Variants in ZNF112 observed in about 807,000 individuals in gnomAD.
ZNF112 encodes the protein zinc finger protein 112 (Y14).
In ZNF112, 37 loss-of-function variants were observed where a neutral mutation model predicts 77.7. The ratio of observed to expected loss-of-function variants is 0.48; its 90% CI spans 0.37 to 0.63. The LOEUF (loss-of-function observed/expected upper bound fraction) is 0.63. Ranked by LOEUF, ZNF112 falls within the 20% of genes least tolerant of loss-of-function variation. The pLI is 0.00. For synonymous variants in ZNF112, 333 were observed against 363.6 expected (o/e 0.92, Z 0.96); for missense variants, 950 against 1,077.4 (o/e 0.88, Z 1.66).
At chr19:44,335,020 G>A (rs1269371144) in intron 3 of ZNF112, among the ~76,000 whole-genome samples, 2 of 152,228 alleles carry the variant, frequency 1.3e-5, no homozygotes, top group Admixed American at 1.3e-4. Context: ...CCACGTGCCT[G>A]GAAAAGATGC....
chr19:44,347,036 A>G (rs1970603215), intron 1 of ZNF112, among the ~76,000 whole-genome samples: 1 of 152,164 alleles, frequency 6.6e-6, no homozygotes. Flanking sequence ...TGAGATTTCT[A>G]CATAGAACTG....
intron 1 of ZNF112, chr19:44,343,286 T>C: frequency 6.2e-7 from 1 of 1,613,104 alleles, no homozygotes. Flanking sequence ...TTTCTTTTTC[T>C]AGAGAAAGGC....
upstream of ZNF112, among the ~76,000 whole-genome samples, chr19:44,358,187 A>G (rs1850558833): frequency 6.6e-6 from 1 of 151,458 alleles, no homozygotes; most frequent in Admixed American, 6.6e-5. Context: ...AAGAGATGAG[A>G]CTATTTGATT....
rs141776306 is a variant in ZNF112 at position 44,329,323 on chromosome 19, C to A, written c.834G>T (p.Lys278Asn). 3 of 1,613,652 alleles carry A rather than the reference C, an allele frequency of 1.9e-6. No individual in the cohort carries two copies. Among genetic ancestry groups the A allele is most frequent in the African/African-American group, 2.7e-5 (2 of 74,922 alleles). ...TTCCACATGAACTGTATGTATAGGG[C>A]TTCCCTTCCAAGTGGAACTGCTGAT... Reference protein sequence around the residue: ...EVHQQFHLEGKPYTYSSCGKG... With the variant: ...EVHQQFHLEGNPYTYSSCGKG... The change falls in exon 4 of 4, where the codon AAG (lysine) becomes AAT (asparagine). Residue 278 changes from lysine to asparagine, a missense_variant. Physicochemically the swap from Lys to Asn is moderately conservative, Grantham distance 94. Around this residue, in one of 3 missense-constraint regions of ZNF112, gnomAD observed 560 missense variants for 557.3 expected, o/e 1.00. Coordinates refer to ENST00000354340, the MANE Select transcript of ZNF112 (RefSeq NM_013380.4).
chr19:44,337,972 C>A (rs1970417747), intron 2 of ZNF112, among the ~76,000 whole-genome samples: 1 of 88,338 alleles, frequency 1.1e-5, no homozygotes, highest in Non-Finnish European at 2.6e-5. Context: ...TACCATTCCC[C>A]AGTTAAAAAA....
intron 1 of ZNF112, among the ~76,000 whole-genome samples, chr19:44,352,635 A>G (rs1970713625): frequency 6.6e-6 from 1 of 152,162 alleles, no homozygotes; most frequent in African/African-American, 2.4e-5. Flanking sequence ...ATTTCTAGTG[A>G]GTATAGCAAA....
chr19:44,329,434 A>G lies in ZNF112; in HGVS notation c.723T>C (p.Asn241=). Residue 241 remains asparagine (N), a synonymous_variant, in exon 4 of 4, where the codon AAT becomes AAC. Coordinates refer to ENST00000354340, the MANE Select transcript of ZNF112 (RefSeq NM_013380.4). ...TCTCCTCTGTTTGAATTGACTCCTG[A>G]TTAAGTAATGATACCTTCATGATAT... ...GEDIMKVSLL[N]QESIQTEEKP... The G allele has an allele frequency of 6.2e-7, 1 of 1,614,062 alleles. No homozygotes were observed. Among genetic ancestry groups the G allele is most frequent in the Non-Finnish European group, 8.5e-7 (1 of 1,179,986 alleles).
At chr19:44,332,108 C>T (rs1161482273) in intron 3 of ZNF112, among the ~76,000 whole-genome samples, 1 of 152,128 alleles carries the variant, frequency 6.6e-6, no homozygotes, top group African/African-American at 2.4e-5. Flanking sequence ...GCCCAGGCAT[C>T]TGAGGATGCA....
intron 1 of ZNF112, among the ~76,000 whole-genome samples, chr19:44,350,238 G>A (rs1263580428): frequency 1.3e-5 from 2 of 152,036 alleles, no homozygotes; most frequent in African/African-American, 4.8e-5. Context: ...AATCTATCAT[G>A]TGCTATTGAA....
At chr19:44,336,007 T>C (rs1970358501) in intron 3 of ZNF112, among the ~76,000 whole-genome samples, 1 of 152,178 alleles carries the variant, frequency 6.6e-6, no homozygotes, top group Non-Finnish European at 1.5e-5. Flanking sequence ...AATGGGAGGA[T>C]AAGAAGATGG....
intron 3 of ZNF112, among the ~76,000 whole-genome samples, chr19:44,335,489 T>TA (rs1181740271): frequency 6.6e-6 from 1 of 152,116 alleles, no homozygotes; most frequent in Non-Finnish European, 1.5e-5. Context: ...TTAGTATAGG[T>TA]AAAAAAATTA....
At chr19:44,338,371 A>G (rs975582288) in intron 2 of ZNF112, among the ~76,000 whole-genome samples, 5 of 152,196 alleles carry the variant, frequency 3.3e-5, no homozygotes, top group African/African-American at 1.2e-4. Flanking sequence ...TGCTTAATCT[A>G]CAGGAAAATA....
At chr19:44,332,290 A>G (rs1467678901) in intron 3 of ZNF112, among the ~76,000 whole-genome samples, 1 of 152,194 alleles carries the variant, frequency 6.6e-6, no homozygotes, top group Non-Finnish European at 1.5e-5. Context: ...AGAAAAGGCC[A>G]CACTGATGAA....
At chr19:44,363,033 G>T (rs1035450523) in intron 1 of ZNF112, among the ~76,000 whole-genome samples, 21 of 152,278 alleles carry the variant, frequency 1.4e-4, no homozygotes, top group African/African-American at 5.1e-4. Flanking sequence ...GCAGTGGTAT[G>T]ATCACAGTTC....
chr19:44,366,422 G>T (rs1970905069), intron 1 of ZNF112, among the ~76,000 whole-genome samples: 1 of 151,996 alleles, frequency 6.6e-6, no homozygotes. Context: ...CGTGCTAGCA[G>T]AATGTGCTAA....
At chr19:44,330,080 A>C (rs1970242366) in intron 3 of ZNF112, 144 bp from the exon 4 acceptor site, 1 of 642,836 alleles carries the variant, frequency 1.6e-6, no homozygotes, top group Admixed American at 3.1e-5. Flanking sequence ...CTTAGAAAAT[A>C]TCTCCTCTTT....
intron 1 of ZNF112, among the ~76,000 whole-genome samples, chr19:44,348,364 A>G (rs1264452372): frequency 4.6e-5 from 7 of 152,028 alleles, no homozygotes; most frequent in Non-Finnish European, 1.0e-4. Flanking sequence ...GGCTCTGCTC[A>G]TTTATTTTTC....
chr19:44,366,932 A>G, intron 1 of ZNF112: 1 of 403,434 alleles, frequency 2.5e-6, no homozygotes, highest in East Asian at 7.2e-5. Context: ...TGCTAGGCAC[A>G]TACAGTTTGA....
chr19:44,345,905 T>C (rs1289937383), intron 1 of ZNF112, among the ~76,000 whole-genome samples: 3 of 152,186 alleles, frequency 2.0e-5, no homozygotes, highest in African/African-American at 7.2e-5. Context: ...AGATAGTGAG[T>C]ATTTCAGGCT....
Sources: allele counts gnomAD v4.1 joint callset (sites outside exome capture counted in the v4.1 genomes callset), GRCh38; gene constraint gnomAD v4.1.1; regional missense constraint gnomAD v4.1.1; transcripts MANE v1.5; gene names NCBI Gene and HGNC (gene_info 2026-07-23, HGNC 2026-07-21).